ATRNL1: variants seen among roughly 807,000 people sequenced by gnomAD.
ATRNL1 encodes the protein attractin like 1.
Under a neutral mutation model 182.7 loss-of-function variants are expected in ATRNL1, and 95 were observed. The observed-to-expected ratio is 0.52, with a 90% CI of 0.44 to 0.62. The LOEUF is 0.62. Ranked by LOEUF, ATRNL1 falls within the 20% of genes least tolerant of loss-of-function variation. The probability of loss-of-function intolerance (pLI) is 0.00; values close to 1 mark genes in which losing one functional copy is unlikely to be tolerated. For missense variants in ATRNL1, 1,471 were observed against 1,679.5 expected, an observed-to-expected ratio of 0.88 and a Z score of 2.17; for synonymous variants, 576 against 568.3, an observed-to-expected ratio of 1.01 and a Z score of -0.19.
intron 26 of ATRNL1, among the ~76,000 whole-genome samples, chr10:115,668,095 T>C (rs1432090828): frequency 3.3e-5 from 5 of 152,122 alleles, no homozygotes; most frequent in African/African-American, 9.7e-5. Flanking sequence ...ATATCCACCA[T>C]TGAAAATCAC....
At chr10:115,310,581 A>G (rs992009100) in intron 17 of ATRNL1, among the ~76,000 whole-genome samples, 2 of 151,830 alleles carry the variant, frequency 1.3e-5, no homozygotes, top group African/African-American at 2.4e-5. Flanking sequence ...GTTTCCAGGA[A>G]TTTTTCCATT....
intron 8 of ATRNL1, among the ~76,000 whole-genome samples, chr10:115,176,009 G>A (rs1029536199): frequency 1.2e-4 from 19 of 152,226 alleles, no homozygotes; most frequent in Admixed American, 1.0e-3. Flanking sequence ...ATTCTAACTG[G>A]TGTGAGATGG....
chr10:115,828,776 C>T (rs191288771), intron 27 of ATRNL1, among the ~76,000 whole-genome samples: 1 of 152,312 alleles, frequency 6.6e-6, no homozygotes, highest in Non-Finnish European at 1.5e-5. Flanking sequence ...AGTTTCACCA[C>T]CTCGATCTAG....
intron 26 of ATRNL1, among the ~76,000 whole-genome samples, chr10:115,622,647 C>T (rs552176193): frequency 4.2e-5 from 6 of 143,020 alleles, no homozygotes; most frequent in East Asian, 2.6e-4. Context: ...GAATTTAGGG[C>T]GGGGCGCGGT....
intron 18 of ATRNL1, among the ~76,000 whole-genome samples, chr10:115,329,436 A>G (rs1318650930): frequency 2.0e-5 from 3 of 152,096 alleles, no homozygotes; most frequent in Non-Finnish European, 2.9e-5. Flanking sequence ...GTTTCCCCAT[A>G]TATTTTCTGC....
At chr10:115,706,914 ATGCTTC>A (rs1344889218) in intron 26 of ATRNL1, among the ~76,000 whole-genome samples, 1 of 151,904 alleles carries the variant, frequency 6.6e-6, no homozygotes, top group African/African-American at 2.4e-5. Flanking sequence ...ACAACTAAGC[ATGCTTC>A]TATTTCACAG....
chr10:115,514,013 G>A (rs1454810142), intron 24 of ATRNL1, among the ~76,000 whole-genome samples: 1 of 151,876 alleles, frequency 6.6e-6, no homozygotes, highest in Admixed American at 6.6e-5. Flanking sequence ...CTGTATTTCA[G>A]ATGGTACTTT....
intron 19 of ATRNL1, among the ~76,000 whole-genome samples, chr10:115,363,988 A>G (rs1399922112): frequency 4.6e-5 from 7 of 152,032 alleles, no homozygotes; most frequent in Non-Finnish European, 1.0e-4. Context: ...CTTAGGATTG[A>G]CTTGGTGATG....
intron 24 of ATRNL1, among the ~76,000 whole-genome samples, chr10:115,495,998 T>C (rs1019409793): frequency 4.6e-5 from 7 of 152,144 alleles, no homozygotes; most frequent in Admixed American, 1.3e-4. Flanking sequence ...ATGAATTGGG[T>C]ATTTTTGTGT....
chr10:115,546,895 A>C (rs782144237), intron 25 of ATRNL1, among the ~76,000 whole-genome samples: 1 of 152,174 alleles, frequency 6.6e-6, no homozygotes, highest in Non-Finnish European at 1.5e-5. Context: ...TATATAAAGA[A>C]GTTTTAGCAT....
In ATRNL1 at chr10:115,466,768, A is replaced by AC. The variant is rs565126619; in HGVS notation, c.3418-406_3418-405insC. Among the ~76,000 whole-genome samples, 88 of 151,378 alleles carry AC rather than the reference A, an allele frequency of 5.8e-4. 1 individual carries two copies. The East Asian group carries it at 0.013, about 22-fold the overall frequency. Reference sequence around the variant, plus strand: ...ACACCTAAGAAGAAGTCTTTTAAAAAAATAATCTTATATTGTTATAAAATT... The same window carrying AC: ...ACACCTAAGAAGAAGTCTTTTAAAAACAATAATCTTATATTGTTATAAAATT... On this transcript the variant is annotated intron_variant, in intron 22 of 28. Coordinates refer to ENST00000355044, the MANE Select transcript of ATRNL1 (RefSeq NM_207303.4).
At chr10:115,506,236 A>T (rs2133653990) in intron 24 of ATRNL1, among the ~76,000 whole-genome samples, 1 of 152,076 alleles carries the variant, frequency 6.6e-6, no homozygotes, top group African/African-American at 2.4e-5. Flanking sequence ...ATAATTTGGA[A>T]TTTTCCTTCA....
intron 20 of ATRNL1, among the ~76,000 whole-genome samples, chr10:115,415,863 G>A (rs1308354319): frequency 6.6e-6 from 1 of 151,812 alleles, no homozygotes; most frequent in African/African-American, 2.4e-5. Context: ...TAGATTTTTA[G>A]CATGTGATAG....
At chr10:115,834,532 TA>T in intron 27 of ATRNL1, among the ~76,000 whole-genome samples, 1 of 152,310 alleles carries the variant, frequency 6.6e-6, no homozygotes, top group South Asian at 2.1e-4. Flanking sequence ...GGCAAACCTC[TA>T]TATTTTATTG....
chr10:115,767,782 T>C (rs143641913), intron 27 of ATRNL1, among the ~76,000 whole-genome samples: 3 of 152,184 alleles, frequency 2.0e-5, no homozygotes, highest in African/African-American at 4.8e-5. Flanking sequence ...CTCATTGTTA[T>C]TGGTCAGTTT....
At chr10:115,887,548 C>T (rs1951977332) in intron 28 of ATRNL1, among the ~76,000 whole-genome samples, 1 of 152,142 alleles carries the variant, frequency 6.6e-6, no homozygotes, top group Non-Finnish European at 1.5e-5. Context: ...TAATCATCTC[C>T]TAAAGGCCTC....
intron 19 of ATRNL1, among the ~76,000 whole-genome samples, chr10:115,392,322 T>C (rs1844070161): frequency 6.6e-6 from 1 of 152,178 alleles, no homozygotes; most frequent in Non-Finnish European, 1.5e-5. Flanking sequence ...TCACTGACCC[T>C]TTAAAATATA....
chr10:115,306,900 A>G (rs1853762617), intron 17 of ATRNL1, among the ~76,000 whole-genome samples: 1 of 152,212 alleles, frequency 6.6e-6, no homozygotes, highest in African/African-American at 2.4e-5. Flanking sequence ...ATGAAACATA[A>G]TTCACTATTT....
At position 115,436,642 on chromosome 10, in the gene ATRNL1, A is replaced by G. The variant is rs997527442; in HGVS notation, c.3322+10340A>G. Among the ~76,000 whole-genome samples the G allele has an allele frequency of 7.9e-5, 12 of 152,248 alleles. No homozygotes were observed. In the South Asian group the frequency reaches 2.3e-3, roughly 29 times the overall value. On this transcript the variant is annotated intron_variant, in intron 21 of 28. Transcript: ENST00000355044. ...ACTAGTATTTATTAAATATTTATGT[A>G]CAAAACAATTTTATATTAATAATTT...
Sources: gnomAD v4.1 joint callset for allele counts (sites outside exome capture counted in the v4.1 genomes callset) on GRCh38, gnomAD v4.1.1 for gene constraint, MANE v1.5 for transcripts, NCBI Gene and HGNC (gene_info 2026-07-23, HGNC 2026-07-21) for gene names.